The following SEPTIN9 variants were observed in gnomAD, a reference collection of about 807,000 sequenced individuals.
SEPTIN9 encodes the protein septin-9.
A neutral mutation model predicts 56.6 loss-of-function variants in SEPTIN9; 13 were observed. The observed-to-expected ratio is 0.23, with a 90% confidence interval of 0.15 to 0.37. The LOEUF (loss-of-function observed/expected upper bound fraction) is 0.37, where lower values mean the gene tolerates loss of function less well. Among genes scored for constraint, SEPTIN9 ranks in the 10% least tolerant of loss-of-function variants. The pLI is 1.00. For missense variants in SEPTIN9, 650 were observed against 823.1 expected, an observed-to-expected ratio of 0.79 and a Z score of 2.57; for synonymous variants, 332 against 334.1, an observed-to-expected ratio of 0.99 and a Z score of 0.07.
At chr17:77,301,983 G>A (rs558830768) in intron 1 of SEPTIN9, among the ~76,000 whole-genome samples, 1 of 152,316 alleles carries the variant, frequency 6.6e-6, no homozygotes, top group East Asian at 1.9e-4. Context: ...GGGGTTTGGA[G>A]TGGCTGTCTT....
chr17:77,392,507 C>T (rs1462279052), intron 2 of SEPTIN9, among the ~76,000 whole-genome samples: 4 of 152,212 alleles, frequency 2.6e-5, no homozygotes, highest in East Asian at 3.9e-4. Context: ...CATTGGGCCA[C>T]GTGTGCAGAT....
chr17:77,287,826 T>C (rs976064373), intron 1 of SEPTIN9: 6 of 981,746 alleles, frequency 6.1e-6, no homozygotes, highest in Non-Finnish European at 7.4e-6. Flanking sequence ...GTTGGCAGCC[T>C]GAAAACCTCC....
intron 1 of SEPTIN9, among the ~76,000 whole-genome samples, chr17:77,294,053 G>A (rs893643020): frequency 2.6e-5 from 4 of 151,238 alleles, no homozygotes; most frequent in African/African-American, 9.8e-5. Flanking sequence ...GCAGTGAGCC[G>A]TGATCATGCC....
intron 3 of SEPTIN9, among the ~76,000 whole-genome samples, chr17:77,471,243 A>G (rs1301777137): frequency 6.6e-6 from 1 of 152,164 alleles, no homozygotes; most frequent in Middle Eastern, 3.4e-3. Flanking sequence ...GCTCCTACTC[A>G]TGGCCCAGGA....
At chr17:77,484,985 A>C (rs2039669944) in intron 4 of SEPTIN9, among the ~76,000 whole-genome samples, 1 of 41,184 alleles carries the variant, frequency 2.4e-5, no homozygotes, top group Non-Finnish European at 4.2e-5. Flanking sequence ...GATGGTGGTG[A>C]TTGTGATGGT....
At chr17:77,416,224 A>T (rs1030136270) in intron 3 of SEPTIN9, among the ~76,000 whole-genome samples, 8 of 152,186 alleles carry the variant, frequency 5.3e-5, no homozygotes, top group Non-Finnish European at 8.8e-5. Flanking sequence ...TCCCAGCTGG[A>T]GAGGGTCAAG....
chr17:77,448,914 G>T (rs2037859958), intron 3 of SEPTIN9, among the ~76,000 whole-genome samples: 1 of 151,976 alleles, frequency 6.6e-6, no homozygotes, highest in African/African-American at 2.4e-5. Context: ...CTCCCAAGTA[G>T]CTGGGATTAC....
At chr17:77,414,148 G>A (rs1040315102) in intron 3 of SEPTIN9, among the ~76,000 whole-genome samples, 10 of 151,764 alleles carry the variant, frequency 6.6e-5, no homozygotes, top group African/African-American at 1.9e-4. Flanking sequence ...GCGCCATCTC[G>A]GCTGACTGCA....
Position 77,402,285 on chromosome 17 carries a change from C to T in SEPTIN9, c.303C>T (p.Ala101=), listed in dbSNP as rs764313238. ...RRVELSGPKA[A]EPVSRRTELS... ...TGGAGCTCTCGGGCCCCAAGGCGGC[C>T]GAGCCGGTGTCCCGGCGCACTGAGC... The change falls in exon 3 of 12, where the codon GCC becomes GCT. Residue 101 remains alanine, a synonymous_variant. Transcript: ENST00000427177. The surrounding 1 kb of genome is among the most constrained non-coding windows in gnomAD (Gnocchi z 6.6). The T allele has an allele frequency of 2.5e-5, 41 of 1,611,216 alleles. No homozygotes were observed. Among genetic ancestry groups the T allele is most frequent in the Middle Eastern group, 3.3e-4 (2 of 6,080 alleles).
rs1296965875 is a variant in SEPTIN9, at chr17:77,475,690, G to T, written c.722-6454G>T. On this transcript the variant is annotated intron_variant, in intron 3 of 11. Transcript: ENST00000427177. The surrounding 1 kb of genome is among the most constrained non-coding windows in gnomAD (Gnocchi z 4.6). ...GACTGCTGGGCCCACGCTGGGCCGG[G>T]GTGGATGGAGGCAAGGAAGTCTTCG... The T allele has an allele frequency of 1.2e-6, 2 of 1,613,642 alleles. No homozygotes were observed. The highest frequency in any genetic ancestry group is 3.3e-5 in the Admixed American group (2 of 60,024).
At chr17:77,409,857 C>T (rs2036231842) in intron 3 of SEPTIN9, among the ~76,000 whole-genome samples, 1 of 152,214 alleles carries the variant, frequency 6.6e-6, no homozygotes, top group Non-Finnish European at 1.5e-5. Context: ...ACTCAGACTC[C>T]CCGCCTCGGG....
chr17:77,392,730 G>T (rs384810), intron 2 of SEPTIN9, among the ~76,000 whole-genome samples: 44,562 of 151,870 alleles, frequency 0.29, 7,579 homozygotes, highest in East Asian at 0.63. Context: ...GAACTATCTG[G>T]CTGCGGCTCT....
Position 77,367,075 on chromosome 17 carries a change from C to T in SEPTIN9, c.77-34984C>T, listed in dbSNP as rs750460126. On this transcript the variant is annotated intron_variant, in intron 2 of 11. Transcript: ENST00000427177. This position sits in a 1 kb window ranked among gnomAD's most constrained non-coding sequence, Gnocchi z 4.5. ...GTGAAACCTTATGGTTGCATTGAAG[C>T]GGCCAGGCAGAGGGTGTGATGGGGT... Among the ~76,000 whole-genome samples the T allele has an allele frequency of 4.8e-4, 73 of 152,252 alleles. No individual in the cohort carries two copies. Among genetic ancestry groups the T allele is most frequent in the Non-Finnish European group, 8.2e-4 (56 of 68,018 alleles).
At chr17:77,347,294 C>T (rs1357103316) in intron 2 of SEPTIN9, among the ~76,000 whole-genome samples, 1 of 151,388 alleles carries the variant, frequency 6.6e-6, no homozygotes, top group African/African-American at 2.4e-5. Flanking sequence ...AGGAGAATCG[C>T]TTGAACCCAG....
In SEPTIN9 at chr17:77,499,918, C is replaced by T. The variant is rs1479404781; in HGVS notation, c.*1260C>T. 4.0e-6 allele frequency: 1 copy of T among 247,026 alleles called. No homozygotes were observed. The highest frequency in any genetic ancestry group is 7.9e-6 in the Non-Finnish European group (1 of 125,882). 15.3% of individuals were successfully genotyped at this position (247,026 alleles called of 1,614,324 possible). On this transcript the variant is annotated 3_prime_UTR_variant, in exon 12 of 12. Transcript: ENST00000427177. ...GGCGTCAGGGGTGCACAGTCCACAG[C>T]TGAAGAGCAAGGTTTCGTGGCAGCA...
intron 3 of SEPTIN9, among the ~76,000 whole-genome samples, chr17:77,467,827 A>G (rs2038816354): frequency 6.6e-6 from 1 of 152,220 alleles, no homozygotes; most frequent in African/African-American, 2.4e-5. Context: ...GAGGGGCCGG[A>G]CGAAAGGACA....
chr17:77,285,959 G>A lies in SEPTIN9; in HGVS notation c.19+4405G>A, dbSNP rs79165303. Among the ~76,000 whole-genome samples, 199 of 152,316 alleles carry A rather than the reference G, an allele frequency of 1.3e-3. 1 individual carries two copies. Among genetic ancestry groups the A allele is most frequent in the African/African-American group, 4.4e-3 (183 of 41,566 alleles). ...GAACACTTCCCCAGTCAGCTAACCC[G>A]GTGACAGGCGAGCGTGGGAAGGGCA... On this transcript the variant is annotated intron_variant, in intron 1 of 11. Coordinates refer to ENST00000427177, the MANE Select transcript of SEPTIN9 (RefSeq NM_001113491.2).
At chr17:77,482,511 C>T (rs1404876745) in intron 4 of SEPTIN9, 176 bp downstream of exon 4, 2 of 742,952 alleles carry the variant, frequency 2.7e-6, no homozygotes, top group Admixed American at 2.0e-5. Flanking sequence ...GGGAGGAGCC[C>T]ACAGCCTCCA....
chr17:77,334,763 A>G (rs2143725642), intron 2 of SEPTIN9, among the ~76,000 whole-genome samples: 1 of 152,162 alleles, frequency 6.6e-6, no homozygotes, highest in East Asian at 1.9e-4. Context: ...TTTTTAACCT[A>G]TTATAGCCGT....
Sources: allele counts gnomAD v4.1 joint callset (sites outside exome capture counted in the v4.1 genomes callset), GRCh38; gene constraint gnomAD v4.1.1; non-coding constraint Gnocchi (gnomAD v3.1); transcripts MANE v1.5; gene names NCBI Gene and HGNC (gene_info 2026-07-23, HGNC 2026-07-21).